EIF2D: variants seen among roughly 807,000 people sequenced by gnomAD.
The protein encoded by EIF2D is hepatocellular carcinoma-associated antigen 56.
EIF2D carries 56 observed loss-of-function variants against 77.4 expected under a neutral mutation model. The observed-to-expected ratio is 0.72, with a 90% CI of 0.58 to 0.90. EIF2D has a LOEUF of 0.90. Among genes scored for constraint, EIF2D ranks in the 40% least tolerant of loss-of-function variants. The probability of loss-of-function intolerance (pLI) is 0.00; values close to 1 mark genes in which losing one functional copy is unlikely to be tolerated. For missense variants in EIF2D, 574 were observed against 706.5 expected, an observed-to-expected ratio of 0.81 and a Z score of 2.13; for synonymous variants, 230 against 271.0, an observed-to-expected ratio of 0.85 and a Z score of 1.49.
intron 14 of EIF2D, 115 bp downstream of exon 14, chr1:206,593,504 A>AGTGTGTGTGTGCGTGT (rs1476375070): frequency 1.5e-3 from 611 of 400,810 alleles, no homozygotes; most frequent in South Asian, 4.3e-3. Flanking sequence ...AGAGAGAGAG[A>AGTGTGTGTGTGCGTGT]GAGAGTGTGT....
chr1:206,609,238 G>A (rs782399851), intron 3 of EIF2D, 138 bp downstream of exon 3: 18 of 767,862 alleles, frequency 2.3e-5, no homozygotes, highest in Admixed American at 2.0e-4. Context: ...CCAGCCAAGT[G>A]AGAAACATAA....
intron 2 of EIF2D, 45 bp from the exon 3 acceptor site, chr1:206,609,504 T>C: frequency 1.3e-6 from 2 of 1,515,700 alleles, no homozygotes; most frequent in Non-Finnish European, 1.8e-6. Flanking sequence ...AAAAAGCCAA[T>C]CTTCTAGAGA....
chr1:206,605,360 G>T (rs367787271), intron 5 of EIF2D, 40 bp downstream of exon 5: 75 of 1,549,180 alleles, frequency 4.8e-5, no homozygotes, highest in Middle Eastern at 1.8e-4. Flanking sequence ...CTCCCCAGCT[G>T]CCCCGGTTCT....
downstream of EIF2D, among the ~76,000 whole-genome samples, chr1:206,589,818 C>A (rs556345863): frequency 6.6e-6 from 1 of 152,266 alleles, no homozygotes; most frequent in African/African-American, 2.4e-5. Context: ...AAAAGAAATT[C>A]TTGCTGCCTT....
chr1:206,593,946 T>C, intron 13 of EIF2D, 153 bp from the exon 14 acceptor site: 2 of 597,678 alleles, frequency 3.3e-6, no homozygotes, highest in East Asian at 6.2e-5. Context: ...CCAAATCACT[T>C]ATTTTTGTGC....
In EIF2D at chr1:206,607,592, G is replaced by A. The variant is rs184965324; in HGVS notation, c.422+644C>T. Among the ~76,000 whole-genome samples the A allele has an allele frequency of 1.1e-4, 17 of 152,182 alleles. No individual in the cohort carries two copies. The East Asian group carries it at 3.3e-3, about 29-fold the overall frequency. ...TGAGCAACAGAGTGAGATCCTGTCTGTATGTAAACTGTATCTCAATAAAGC... is the reference window on the plus strand; with the variant it reads ...TGAGCAACAGAGTGAGATCCTGTCTATATGTAAACTGTATCTCAATAAAGC... On this transcript the variant is annotated intron_variant, in intron 4 of 14. Transcript: ENST00000271764.
intron 14 of EIF2D, 137 bp downstream of exon 14, chr1:206,593,482 A>G (rs1373269768): frequency 1.6e-5 from 8 of 511,578 alleles, no homozygotes; most frequent in African/African-American, 9.3e-5. Context: ...AGAGAGAGAG[A>G]GAGAGCGAGA....
intron 1 of EIF2D, 70 bp downstream of exon 1, chr1:206,612,217 G>T: frequency 6.3e-7 from 1 of 1,593,744 alleles, no homozygotes; most frequent in East Asian, 2.2e-5. Context: ...AATAGCGAGG[G>T]CTATGGGCCA....
intron 11 of EIF2D, among the ~76,000 whole-genome samples, chr1:206,598,321 A>G (rs1312339230): frequency 6.6e-6 from 1 of 152,208 alleles, no homozygotes; most frequent in Non-Finnish European, 1.5e-5. Flanking sequence ...TACAGACATA[A>G]GCCACAGTGT....
At chr1:206,571,776 G>A (rs1553404235) in intron 5 of EIF2D, among the ~76,000 whole-genome samples, 1 of 152,224 alleles carries the variant, frequency 6.6e-6, no homozygotes. Flanking sequence ...CAGGGAGACT[G>A]AAAGGACGCT....
chr1:206,608,151 C>T, intron 4 of EIF2D, 85 bp downstream of exon 4: 1 of 1,329,592 alleles, frequency 7.5e-7, no homozygotes, highest in Non-Finnish European at 1.0e-6. Flanking sequence ...CTCTTTTGTT[C>T]ATATGCTTTA....
At chr1:206,611,925 T>G (rs1012611299) in intron 1 of EIF2D, among the ~76,000 whole-genome samples, 3 of 152,218 alleles carry the variant, frequency 2.0e-5, no homozygotes, top group Non-Finnish European at 4.4e-5. Context: ...CTCTTATACT[T>G]TTAATTCTTG....
chr1:206,611,992 G>GT (rs1388453102), intron 1 of EIF2D, among the ~76,000 whole-genome samples: 2 of 152,178 alleles, frequency 1.3e-5, no homozygotes, highest in Non-Finnish European at 1.5e-5. Flanking sequence ...CAAGAATTCT[G>GT]TATTCCTTCA....
intron 4 of EIF2D, among the ~76,000 whole-genome samples, chr1:206,576,338 G>C (rs1668657554): frequency 6.6e-6 from 1 of 152,154 alleles, no homozygotes; most frequent in South Asian, 2.1e-4. Context: ...CTGGTGTTTG[G>C]GAGCGAGTCA....
At position 206,611,461 on chromosome 1, in the gene EIF2D, A is replaced by T. The variant is rs1670495154; in HGVS notation, c.57-87T>A. ...ACGAACTCAAAAGTGCTCACTATAAAATCACAAGGGCCAAAGAAAGATTGC... is the reference window on the plus strand; with the variant it reads ...ACGAACTCAAAAGTGCTCACTATAATATCACAAGGGCCAAAGAAAGATTGC... On this transcript the variant is annotated intron_variant, in intron 1 of 14. Transcript: ENST00000271764. 4 of 1,100,522 alleles carry T rather than the reference A, an allele frequency of 3.6e-6. No homozygotes were observed. The Admixed American group carries it at 9.8e-5, about 27-fold the overall frequency. 68.2% of individuals were successfully genotyped at this position (1,100,522 alleles called of 1,614,324 possible). A position where few individuals can be genotyped will look rare whatever the true frequency, so the allele number is the denominator to read the frequency against.
chr1:206,582,067 G>A (rs7525989), intron 2 of EIF2D, among the ~76,000 whole-genome samples: 8 of 152,272 alleles, frequency 5.3e-5, no homozygotes, highest in South Asian at 4.2e-4. Context: ...ACACTTGAAC[G>A]TCAGGCAAAT....
rs957741917 is a variant in EIF2D at position 206,585,469 on chromosome 1, G to A, written c.139-4307C>T. On this transcript the variant is annotated intron_variant and NMD_transcript_variant, in intron 2 of 5. Coordinates refer to the EIF2D transcript ENST00000472709. ...GGCCTGGGGGTCAGTGTTTCAGCCAGGACTCTGAACACCCTGGGGTAGCAC... is the reference window on the plus strand; with the variant it reads ...GGCCTGGGGGTCAGTGTTTCAGCCAAGACTCTGAACACCCTGGGGTAGCAC... 8.6e-6 allele frequency: 5 copies of A among 583,006 alleles called. No homozygotes were observed. In the African/African-American group the frequency reaches 9.3e-5, roughly 11 times the overall value. The allele number at this position is 583,006 out of a possible 1,614,324, so 36.1% of individuals were successfully genotyped here.
chr1:206,586,731 G>C, downstream of EIF2D: 1 of 929,938 alleles, frequency 1.1e-6, no homozygotes, highest in South Asian at 1.5e-5. Context: ...GATGTGAACT[G>C]GGAAGGGGAA....
rs1553409884 is a variant in EIF2D, at chr1:206,595,712, A to C, written c.1509+6T>G. 1 of 1,613,002 alleles carries C rather than the reference A, an allele frequency of 6.2e-7. No individual in the cohort carries two copies. The highest frequency in any genetic ancestry group is 1.7e-5 in the Admixed American group (1 of 59,926). Reference sequence around the variant, plus strand: ...ATCCTTGAACATTGTGTCTTTCTAAAATTACCTTTTTATTAGACGCTCTTT... The same window carrying C: ...ATCCTTGAACATTGTGTCTTTCTAACATTACCTTTTTATTAGACGCTCTTT... On this transcript the variant is annotated splice_donor_region_variant and intron_variant, in intron 13 of 14. Transcript: ENST00000271764.
Sources: gnomAD v4.1 joint callset for allele counts (sites outside exome capture counted in the v4.1 genomes callset) on GRCh38, gnomAD v4.1.1 for gene constraint, MANE v1.5 for transcripts, NCBI Gene and HGNC (gene_info 2026-07-23, HGNC 2026-07-21) for gene names.